Variants in TMEM9B observed in about 807,000 individuals in gnomAD.
TMEM9B encodes transmembrane protein 9B.
In TMEM9B, 8 loss-of-function variants were observed where a neutral mutation model predicts 23.5. The ratio of observed to expected loss-of-function variants is 0.34; its 90% CI spans 0.20 to 0.61. TMEM9B has a LOEUF of 0.61. Ranked by LOEUF, TMEM9B falls within the 20% of genes least tolerant of loss-of-function variation. The probability of loss-of-function intolerance (pLI) is 0.78; values close to 1 mark genes in which losing one functional copy is unlikely to be tolerated. For missense variants in TMEM9B, 197 were observed against 252.3 expected (o/e 0.78, Z 1.49); for synonymous variants, 106 against 96.3 (o/e 1.10, Z -0.59).
At position 8,956,559 on chromosome 11, in the gene TMEM9B, C is replaced by T. The variant is rs138767882; in HGVS notation, c.198-261G>A. On this transcript the variant is annotated intron_variant, in intron 2 of 4. Coordinates refer to ENST00000534025, the MANE Select transcript of TMEM9B (RefSeq NM_020644.3). The stretch of plus-strand genomic sequence containing the variant: ...CTGCTACTGTTAACAGTTACAAAAA[C>T]GCACACAAAAAATCCCAAATGGGAT... Among the ~76,000 whole-genome samples the T allele has an allele frequency of 5.8e-3, 888 of 152,114 alleles. 13 individuals carry two copies. Among genetic ancestry groups the T allele is most frequent in the Admixed American group, 0.037 (567 of 15,264 alleles).
chr11:8,956,306 A>C lies in TMEM9B; in HGVS notation c.198-8T>G, dbSNP rs372583100. ...ACAACATGAAGGCAATCACTGAAAA[A>C]ACAAAGATAAAATGCTGCTTAAGCC... On this transcript the variant is annotated splice_polypyrimidine_tract_variant and splice_region_variant and intron_variant, in intron 2 of 4. Coordinates refer to ENST00000534025, the MANE Select transcript of TMEM9B (RefSeq NM_020644.3). 6.3e-5 allele frequency: 102 copies of C among 1,611,818 alleles called. No individual in the cohort carries two copies. The African/African-American group carries it at 1.1e-3, about 17-fold the overall frequency.
intron 3 of TMEM9B, 117 bp downstream of exon 3, chr11:8,956,073 C>T (rs1013993334): frequency 2.7e-6 from 2 of 751,864 alleles, no homozygotes; most frequent in South Asian, 1.9e-5. Context: ...CAGAACAGGC[C>T]CATTATTCCT....
At chr11:8,948,907 T>C (rs1442021596) in intron 4 of TMEM9B, among the ~76,000 whole-genome samples, 2 of 152,218 alleles carry the variant, frequency 1.3e-5, no homozygotes, top group Non-Finnish European at 2.9e-5. Context: ...AGCTAATCTG[T>C]GGCAGAGGAA....
At chr11:8,952,046 T>G (rs1038459981) in intron 4 of TMEM9B, among the ~76,000 whole-genome samples, 6 of 151,884 alleles carry the variant, frequency 4.0e-5, no homozygotes, top group Non-Finnish European at 7.4e-5. Flanking sequence ...GAGGCTGAGG[T>G]TGTAGTGAGC....
rs982279546 is a variant in TMEM9B at position 8,957,665 on chromosome 11, T to C, written c.198-1367A>G. Among the ~76,000 whole-genome samples the C allele has an allele frequency of 1.3e-5, 2 of 152,230 alleles. No individual in the cohort carries two copies. Among genetic ancestry groups the C allele is most frequent in the African/African-American group, 4.8e-5 (2 of 41,466 alleles). On this transcript the variant is annotated intron_variant, in intron 2 of 4. Coordinates refer to ENST00000534025, the MANE Select transcript of TMEM9B (RefSeq NM_020644.3). This position sits in a 1 kb window ranked among gnomAD's most constrained non-coding sequence, Gnocchi z 4.3. ...GGGAGGAATAAGTTCTAGTGTTCTA[T>C]ATCCCTGTAGGATGACTATAGTCAA...
Position 8,953,200 on chromosome 11 carries a change from T to C in TMEM9B, c.441+3A>G. ...GAGCAGCTAGGGCAGGCTGGGAACT[T>C]ACCCCAATATCATCATCACTCTGTA... On this transcript the variant is annotated splice_donor_region_variant and intron_variant, in intron 4 of 4. Coordinates refer to ENST00000534025, the MANE Select transcript of TMEM9B (RefSeq NM_020644.3). The C allele has an allele frequency of 6.2e-7, 1 of 1,614,142 alleles. No individual in the cohort carries two copies. Among genetic ancestry groups the C allele is most frequent in the Non-Finnish European group, 8.5e-7 (1 of 1,180,016 alleles).
intron 4 of TMEM9B, among the ~76,000 whole-genome samples, chr11:8,951,046 C>CA (rs1375075714): frequency 6.6e-6 from 1 of 152,150 alleles, no homozygotes; most frequent in Non-Finnish European, 1.5e-5. Flanking sequence ...CTCACAGAGA[C>CA]AGTGTTCTCA....
chr11:8,963,612 G>C (rs1734555189), intron 1 of TMEM9B, among the ~76,000 whole-genome samples: 1 of 152,202 alleles, frequency 6.6e-6, no homozygotes, highest in Non-Finnish European at 1.5e-5. Context: ...CAAGGGACTC[G>C]TGGAGGGAGT....
intron 4 of TMEM9B, among the ~76,000 whole-genome samples, chr11:8,950,366 GA>G (rs34575462): frequency 0.6 from 90,515 of 151,930 alleles, 27,304 homozygotes; most frequent in East Asian, 0.77. Context: ...ATCATCCCCT[GA>G]AGTCAAGGAC....
chr11:8,953,320 A>G lies in TMEM9B; in HGVS notation c.324T>C (p.Tyr108=). 6.2e-7 allele frequency: 1 copy of G among 1,613,894 alleles called. No individual in the cohort carries two copies. Among genetic ancestry groups the G allele is most frequent in the Non-Finnish European group, 8.5e-7 (1 of 1,179,958 alleles). The change falls in exon 4 of 5, where the codon TAT becomes TAC. Residue 108 remains tyrosine, a synonymous_variant. Coordinates refer to ENST00000534025, the MANE Select transcript of TMEM9B (RefSeq NM_020644.3). ...SVTIKVTIII[Y]LSILGLLLLY... is the part of the protein sequence containing the mutation. ...GAAGTAGAAGGCCCAAAATGGAGAG[A>G]TAAATTATAATGGTAACCTAAAGGA...
chr11:8,963,993 T>A (rs1589950153), intron 1 of TMEM9B: 1 of 521,588 alleles, frequency 1.9e-6, no homozygotes, highest in African/African-American at 2.6e-5. Context: ...GGGACGACCG[T>A]GGGGCGCTGC....
At chr11:8,964,106 GGCTGT>G in intron 1 of TMEM9B, 98 bp downstream of exon 1, 3 of 1,166,844 alleles carry the variant, frequency 2.6e-6, no homozygotes, top group Non-Finnish European at 3.6e-6. Flanking sequence ...CCAGGCGTAT[GGCTGT>G]CAGGAATGGG....
chr11:8,950,399 C>G (rs1475729974), intron 4 of TMEM9B, among the ~76,000 whole-genome samples: 1 of 152,126 alleles, frequency 6.6e-6, no homozygotes, highest in Non-Finnish European at 1.5e-5. Flanking sequence ...AATATTATCA[C>G]CATTGGTTTG....
chr11:8,958,113 C>G (rs536893865), intron 2 of TMEM9B, among the ~76,000 whole-genome samples: 1 of 130,646 alleles, frequency 7.7e-6, no homozygotes, highest in Non-Finnish European at 1.5e-5. Context: ...CAGCCGAGAT[C>G]GTGCCATTGC....
intron 3 of TMEM9B, 130 bp from the exon 4 acceptor site, chr11:8,953,467 T>A: frequency 1.1e-6 from 1 of 885,228 alleles, no homozygotes; most frequent in Non-Finnish European, 1.7e-6. Context: ...GATAGCAATA[T>A]AAGAAATAAA....
intron 3 of TMEM9B, among the ~76,000 whole-genome samples, chr11:8,954,057 C>T (rs1853929832): frequency 6.6e-6 from 1 of 152,162 alleles, no homozygotes; most frequent in African/African-American, 2.4e-5. Flanking sequence ...TAGTGAAATA[C>T]TATTCAGCAA....
chr11:8,963,937 A>C, intron 1 of TMEM9B: 1 of 480,214 alleles, frequency 2.1e-6, no homozygotes, highest in Non-Finnish European at 3.6e-6. Context: ...GGAAATGTTA[A>C]GGCGGTGGGG....
upstream of TMEM9B, chr11:8,964,910 G>A (rs117530799): frequency 1.8e-3 from 280 of 152,978 alleles, no homozygotes; most frequent in Non-Finnish European, 3.3e-3. Context: ...CGCGCCTCCT[G>A]ACCACAGCAC....
At chr11:8,963,437 G>C (rs1356973460) in intron 1 of TMEM9B, among the ~76,000 whole-genome samples, 1 of 152,232 alleles carries the variant, frequency 6.6e-6, no homozygotes, top group Non-Finnish European at 1.5e-5. Flanking sequence ...GCACAGGTAT[G>C]CATGGAGCTA....
Sources: gnomAD v4.1 joint callset for allele counts (sites outside exome capture counted in the v4.1 genomes callset) on GRCh38, gnomAD v4.1.1 for gene constraint, Gnocchi (gnomAD v3.1) non-coding constraint, MANE v1.5 for transcripts, NCBI Gene and HGNC (gene_info 2026-07-23, HGNC 2026-07-21) for gene names.